Variants in SDC2 observed in about 807,000 individuals in gnomAD.
SDC2 encodes the protein syndecan 2, also known as syndecan-2.
SDC2 carries 13 observed loss-of-function variants against 22.2 expected under a neutral mutation model. The ratio of observed to expected loss-of-function variants is 0.59; its 90% CI spans 0.38 to 0.93. The LOEUF is 0.93. SDC2 is among the 40% of genes least tolerant of loss of function. The probability of loss-of-function intolerance (pLI) is 0.00; values close to 1 mark genes in which losing one functional copy is unlikely to be tolerated. For synonymous variants in SDC2, 94 were observed against 92.8 expected, an observed-to-expected ratio of 1.01 and a Z score of -0.07; for missense variants, 235 against 246.8, an observed-to-expected ratio of 0.95 and a Z score of 0.32.
chr8:96,585,961 T>C (rs1455127747), intron 1 of SDC2, among the ~76,000 whole-genome samples: 1 of 152,098 alleles, frequency 6.6e-6, no homozygotes. Context: ...TTTGTTGGCT[T>C]AGGAAATCTA....
intron 1 of SDC2, among the ~76,000 whole-genome samples, chr8:96,508,444 G>A (rs2130436022): frequency 6.6e-6 from 1 of 151,824 alleles, no homozygotes; most frequent in African/African-American, 2.4e-5. Flanking sequence ...AGTGAGCAGA[G>A]ATTGAGCCAC....
At chr8:96,532,419 T>G (rs868051581) in intron 1 of SDC2, among the ~76,000 whole-genome samples, 2 of 142,420 alleles carry the variant, frequency 1.4e-5, no homozygotes, top group Admixed American at 6.9e-5. Flanking sequence ...GGCGTTTTTT[T>G]TTTTTTTTTT....
At chr8:96,494,883 C>A (rs750605891) in intron 1 of SDC2, among the ~76,000 whole-genome samples, 6 of 152,176 alleles carry the variant, frequency 3.9e-5, no homozygotes, top group African/African-American at 7.2e-5. Context: ...TGCAAAAGTT[C>A]TTTTGTTTGA....
chr8:96,561,160 A>C (rs767903057), intron 1 of SDC2, among the ~76,000 whole-genome samples: 32 of 152,186 alleles, frequency 2.1e-4, no homozygotes, highest in Non-Finnish European at 5.9e-5. Flanking sequence ...AATTCTTCAA[A>C]GCCGGGCCAA....
At chr8:96,496,153 T>C (rs1463941073) in intron 1 of SDC2, among the ~76,000 whole-genome samples, 1 of 152,190 alleles carries the variant, frequency 6.6e-6, no homozygotes, top group East Asian at 1.9e-4. Context: ...GAAATGTTAC[T>C]GTTTTGGGAT....
At chr8:96,522,863 T>G (rs948323497) in intron 1 of SDC2, among the ~76,000 whole-genome samples, 1 of 152,238 alleles carries the variant, frequency 6.6e-6, no homozygotes, top group African/African-American at 2.4e-5. Flanking sequence ...GAAGTAACAT[T>G]CCTCAGGTTG....
Position 96,527,553 on chromosome 8 carries a change from G to A in SDC2, c.60+33222G>A, listed in dbSNP as rs72680144. 1.8e-4 allele frequency among the ~76,000 whole-genome samples: 28 copies of A among 152,274 alleles called. No homozygotes were observed. In the East Asian group the frequency reaches 3.5e-3, roughly 19 times the overall value. On this transcript the variant is annotated intron_variant, in intron 1 of 4. Coordinates refer to ENST00000302190, the MANE Select transcript of SDC2 (RefSeq NM_002998.4). The stretch of plus-strand genomic sequence containing the variant: ...AGAACCCTACGTGATCTGGTCCTGC[G>A]TGCTCTGTAAGTGGCAAGTCCCAGG...
chr8:96,511,807 T>A (rs76495843), intron 1 of SDC2, among the ~76,000 whole-genome samples: 7 of 149,712 alleles, frequency 4.7e-5, no homozygotes, highest in Non-Finnish European at 8.8e-5. Flanking sequence ...TTTTTTTTTT[T>A]AATCAGCCTC....
intron 1 of SDC2, among the ~76,000 whole-genome samples, chr8:96,553,690 T>C (rs1178275195): frequency 6.6e-6 from 1 of 152,186 alleles, no homozygotes; most frequent in Non-Finnish European, 1.5e-5. Context: ...GTGTTATTCT[T>C]TATGCTTTAT....
rs542360841 is a variant in SDC2 at position 96,571,411 on chromosome 8, T to G, written c.61-22069T>G. 2.6e-5 allele frequency among the ~76,000 whole-genome samples: 4 copies of G among 152,188 alleles called. No individual in the cohort carries two copies. In the South Asian group the frequency reaches 6.2e-4, roughly 24 times the overall value. ...CAGGTCCCCGATCACCGGGGTCTTA[T>G]GGGCTTGAATACCACTGCTCTGCAT... On this transcript the variant is annotated intron_variant, in intron 1 of 4. Coordinates refer to ENST00000302190, the MANE Select transcript of SDC2 (RefSeq NM_002998.4).
chr8:96,571,276 A>C (rs544548981), intron 1 of SDC2, among the ~76,000 whole-genome samples: 2 of 152,248 alleles, frequency 1.3e-5, no homozygotes, highest in East Asian at 3.9e-4. Flanking sequence ...CTGACCACAC[A>C]AAAGGCTTGA....
Position 96,602,391 on chromosome 8 carries a change from C to G in SDC2, c.173-4C>G, listed in dbSNP as rs200285375. The G allele has an allele frequency of 2.3e-4, 375 of 1,613,180 alleles. No homozygotes were observed. Among genetic ancestry groups the G allele is most frequent in the Non-Finnish European group, 3.0e-4 (353 of 1,179,556 alleles). ...GCTCAGTTCATCTTCACTTACTTTTCCAGGAGCTGATGAGGATGTAGAGAG... is the reference window on the plus strand; with the variant it reads ...GCTCAGTTCATCTTCACTTACTTTTGCAGGAGCTGATGAGGATGTAGAGAG... On this transcript the variant is annotated splice_region_variant and splice_polypyrimidine_tract_variant and intron_variant, in intron 2 of 4. Transcript: ENST00000302190.
intron 1 of SDC2, among the ~76,000 whole-genome samples, chr8:96,541,093 T>C (rs1248022868): frequency 6.6e-6 from 1 of 152,170 alleles, no homozygotes; most frequent in Non-Finnish European, 1.5e-5. Flanking sequence ...ATATTTTTTA[T>C]GGATATGTGT....
At chr8:96,553,535 G>C (rs1346524781) in intron 1 of SDC2, among the ~76,000 whole-genome samples, 11 of 151,334 alleles carry the variant, frequency 7.3e-5, no homozygotes, top group Admixed American at 7.2e-4. Flanking sequence ...GTAATGGGAA[G>C]TTGTAGAGAT....
intron 2 of SDC2, among the ~76,000 whole-genome samples, chr8:96,601,900 A>G (rs896385948): frequency 6.6e-6 from 1 of 151,812 alleles, no homozygotes; most frequent in Admixed American, 6.6e-5. Context: ...CTGGGATTAC[A>G]GGCGTGCGCC....
chr8:96,602,445 C>T lies in SDC2; in HGVS notation c.223C>T (p.Pro75Ser), dbSNP rs1488475445. The T allele has an allele frequency of 3.5e-5, 57 of 1,614,136 alleles. No individual in the cohort carries two copies. The highest frequency in any genetic ancestry group is 4.7e-5 in the Non-Finnish European group (56 of 1,179,982). The change falls in exon 3 of 5, where the codon CCA (proline) becomes TCA (serine). Residue 75 changes from proline (P) to serine (S), a missense_variant. Coordinates refer to ENST00000302190, the MANE Select transcript of SDC2 (RefSeq NM_002998.4). ...AGAGCTGACAACATCTCGACCACTT[C>T]CAAAGATACTGTTGACTAGTGCTGC... ...SPELTTSRPLPKILLTSAAPK... is the reference protein window; with the variant it reads ...SPELTTSRPLSKILLTSAAPK...
rs1404504307 is a variant in SDC2, at chr8:96,494,003, C to T, written c.-269C>T. On this transcript the variant is annotated 5_prime_UTR_variant, in exon 1 of 5. Transcript: ENST00000302190. ...AGAAGAGCTTCAGAGAGCAGCCTTC[C>T]CGGAGCACCAACTCCGTGTCGGGAG... 3.8e-6 allele frequency: 2 copies of T among 522,458 alleles called. No individual in the cohort carries two copies. The highest frequency in any genetic ancestry group is 6.7e-6 in the Non-Finnish European group (2 of 300,156). 32.4% of individuals were successfully genotyped at this position (522,458 alleles called of 1,614,324 possible).
At chr8:96,506,359 C>A (rs1441758212) in intron 1 of SDC2, among the ~76,000 whole-genome samples, 1 of 152,064 alleles carries the variant, frequency 6.6e-6, no homozygotes, top group South Asian at 2.1e-4. Flanking sequence ...TCTTTGGGGT[C>A]TTAAAAGTGA....
chr8:96,542,889 G>C (rs1002281809), intron 1 of SDC2, among the ~76,000 whole-genome samples: 1 of 152,158 alleles, frequency 6.6e-6, no homozygotes, highest in African/African-American at 2.4e-5. Flanking sequence ...CCCTTTAAGA[G>C]TGCCCTGGTT....
Sources: allele counts gnomAD v4.1 joint callset (sites outside exome capture counted in the v4.1 genomes callset), GRCh38; gene constraint gnomAD v4.1.1; transcripts MANE v1.5; gene names NCBI Gene and HGNC (gene_info 2026-07-23, HGNC 2026-07-21).